ERICH5: variants seen among roughly 807,000 people sequenced by gnomAD.
ERICH5 encodes glutamate rich 5.
In ERICH5, 24 loss-of-function variants were observed where a neutral mutation model predicts 28.0. The observed-to-expected ratio is 0.86, with a 90% CI of 0.62 to 1.21. ERICH5 has a LOEUF of 1.21. Among genes scored for constraint, ERICH5 ranks in the 50% most tolerant of loss-of-function variants. The pLI, the probability that ERICH5 is intolerant of heterozygous loss-of-function variation, is 0.00. For synonymous variants in ERICH5, 163 were observed against 157.6 expected, an observed-to-expected ratio of 1.03 and a Z score of -0.25; for missense variants, 421 against 441.2, an observed-to-expected ratio of 0.95 and a Z score of 0.41.
chr8:98,073,432 C>CTCTA (rs1308514320), intron 1 of ERICH5, among the ~76,000 whole-genome samples: 1 of 15,040 alleles, frequency 6.6e-5, no homozygotes, highest in African/African-American at 2.5e-4. Flanking sequence ...CTCTCTCTCT[C>CTCTA]TATATATATA....
chr8:98,075,307 C>A lies in ERICH5; in HGVS notation c.58+10580C>A, dbSNP rs570033879. Among the ~76,000 whole-genome samples the A allele has an allele frequency of 2.6e-5, 4 of 152,266 alleles. No homozygotes were observed. In the South Asian group the frequency reaches 8.3e-4, roughly 32 times the overall value. On this transcript the variant is annotated intron_variant, in intron 1 of 2. Coordinates refer to ENST00000318528, the MANE Select transcript of ERICH5 (RefSeq NM_173549.3). ...TTATGTTCATGATTCTTGGTCAAACCTACTTCCTAAGTTGCAGCTTTTTCT... is the reference window on the plus strand; with the variant it reads ...TTATGTTCATGATTCTTGGTCAAACATACTTCCTAAGTTGCAGCTTTTTCT...
intron 1 of ERICH5, among the ~76,000 whole-genome samples, chr8:98,068,073 T>G (rs1284165350): frequency 6.6e-6 from 1 of 152,084 alleles, no homozygotes; most frequent in Non-Finnish European, 1.5e-5. Flanking sequence ...CCCAGGCTGG[T>G]CTTGAACTTC....
chr8:98,068,609 C>T (rs1201872609), intron 1 of ERICH5, among the ~76,000 whole-genome samples: 1 of 152,178 alleles, frequency 6.6e-6, no homozygotes, highest in East Asian at 1.9e-4. Flanking sequence ...ATTGACTCCA[C>T]AGACCTTAAT....
At chr8:98,088,646 C>A (rs954239200) in intron 1 of ERICH5, among the ~76,000 whole-genome samples, 1 of 152,146 alleles carries the variant, frequency 6.6e-6, no homozygotes, top group East Asian at 1.9e-4. Flanking sequence ...CATCATGAAA[C>A]CTTCTAAGTT....
intron 1 of ERICH5, among the ~76,000 whole-genome samples, 198 bp from the exon 2 acceptor site, chr8:98,088,878 T>G (rs1166324572): frequency 1.3e-5 from 2 of 152,260 alleles, no homozygotes; most frequent in Admixed American, 1.3e-4. Flanking sequence ...TAAGATTAAA[T>G]GTTTGAGCTG....
At chr8:98,079,166 CTTTTTTTTTTTTTTTT>C (rs528062932) in intron 1 of ERICH5, among the ~76,000 whole-genome samples, 8 of 75,576 alleles carry the variant, frequency 1.1e-4, no homozygotes, top group African/African-American at 3.3e-4. Context: ...TTTTTTTTTC[CTTTTTTTTTTTTTTTT>C]TTTTTTGAGA....
At chr8:98,075,785 C>CTTTTTTTTTTTT (rs1296283210) in intron 1 of ERICH5, among the ~76,000 whole-genome samples, 1,806 of 81,482 alleles carry the variant, frequency 0.022, 362 homozygotes, top group East Asian at 0.07. Flanking sequence ...GCACACCTGC[C>CTTTTTTTTTTTT]TTTTTTTTTT....
intron 1 of ERICH5, among the ~76,000 whole-genome samples, chr8:98,078,695 G>GT (rs1184790751): frequency 6.6e-6 from 1 of 152,108 alleles, no homozygotes. Flanking sequence ...GGTTCTGTTA[G>GT]TTCAGCTGTC....
intron 1 of ERICH5, among the ~76,000 whole-genome samples, chr8:98,070,614 C>T (rs13262105): frequency 0.28 from 35,585 of 125,868 alleles, 5,460 homozygotes; most frequent in Middle Eastern, 0.42. Context: ...GAGCCAAGAT[C>T]GCGCCATTGC....
At chr8:98,067,776 C>T (rs1261634479) in intron 1 of ERICH5, among the ~76,000 whole-genome samples, 10 of 152,024 alleles carry the variant, frequency 6.6e-5, no homozygotes, top group South Asian at 4.2e-4. Context: ...CCACCACACT[C>T]GGCTAATTTT....
At chr8:98,091,826 TTCTTTTTCTTTTTC>T (rs1815388559) in intron 2 of ERICH5, among the ~76,000 whole-genome samples, 1 of 150,398 alleles carries the variant, frequency 6.6e-6, no homozygotes, top group African/African-American at 2.4e-5. Context: ...TTCTTTTTCT[TTCTTTTTCTTTTTC>T]TTTCTTTCTT....
chr8:98,082,689 T>C (rs944484416), intron 1 of ERICH5, among the ~76,000 whole-genome samples: 1 of 149,778 alleles, frequency 6.7e-6, no homozygotes, highest in East Asian at 2.0e-4. Flanking sequence ...CTGGGCAACA[T>C]AGAGAGACGC....
chr8:98,073,390 A>C (rs1586199122), intron 1 of ERICH5, among the ~76,000 whole-genome samples: 1 of 116,324 alleles, frequency 8.6e-6, no homozygotes, highest in African/African-American at 3.2e-5. Context: ...CAGCCTAACC[A>C]ACATAGTGAG....
intron 1 of ERICH5, among the ~76,000 whole-genome samples, chr8:98,078,925 A>G (rs1350959477): frequency 1.3e-5 from 2 of 152,180 alleles, no homozygotes; most frequent in African/African-American, 4.8e-5. Context: ...TGTGGACAAA[A>G]ATATATCTCA....
chr8:98,092,705 G>C (rs1386920698), intron 2 of ERICH5, among the ~76,000 whole-genome samples: 2 of 151,932 alleles, frequency 1.3e-5, no homozygotes, highest in Admixed American at 1.3e-4. Flanking sequence ...GCCAAGACTC[G>C]AGATGTTAAT....
At chr8:98,091,880 CTTT>C (rs879553108) in intron 2 of ERICH5, among the ~76,000 whole-genome samples, 2,501 of 94,208 alleles carry the variant, frequency 0.027, 34 homozygotes, top group Middle Eastern at 0.056. Flanking sequence ...TTCTTTCTTT[CTTT>C]CTTTCTTTCT....
intron 2 of ERICH5, among the ~76,000 whole-genome samples, chr8:98,091,970 T>C (rs1563759764): frequency 8.5e-4 from 25 of 29,528 alleles, no homozygotes; most frequent in African/African-American, 2.5e-3. Context: ...CTTTTTTCTT[T>C]CTTTTTCTTC....
chr8:98,093,183 TA>T, intron 2 of ERICH5, 37 bp from the exon 3 acceptor site: 1 of 1,409,116 alleles, frequency 7.1e-7, no homozygotes, highest in Non-Finnish European at 1.0e-6. Flanking sequence ...TAATTCTAAA[TA>T]AATGTCTCTT....
chr8:98,091,900 C>CTTTCTTTCTTTT, intron 2 of ERICH5, among the ~76,000 whole-genome samples: 25 of 74,708 alleles, frequency 3.3e-4, no homozygotes, highest in Admixed American at 1.5e-3. Context: ...TTCTTTCTTT[C>CTTTCTTTCTTTT]CTTTCTTTCT....
Sources: allele counts gnomAD v4.1 joint callset (sites outside exome capture counted in the v4.1 genomes callset), GRCh38; gene constraint gnomAD v4.1.1; transcripts MANE v1.5; gene names NCBI Gene and HGNC (gene_info 2026-07-23, HGNC 2026-07-21).